The following KSR2 variants were observed in gnomAD, a reference collection of about 807,000 sequenced individuals.
KSR2 encodes kinase suppressor of ras 2.
Under a neutral mutation model 107.8 loss-of-function variants are expected in KSR2, and 25 were observed. The ratio of observed to expected loss-of-function variants is 0.23; its 90% CI spans 0.17 to 0.32. KSR2 has a LOEUF of 0.32. KSR2 is among the 10% of genes least tolerant of loss of function. The probability of loss-of-function intolerance (pLI) is 1.00; values close to 1 mark genes in which losing one functional copy is unlikely to be tolerated. For missense variants in KSR2, 887 were observed against 1,268.9 expected, an observed-to-expected ratio of 0.70 and a Z score of 4.57; for synonymous variants, 480 against 507.0, an observed-to-expected ratio of 0.95 and a Z score of 0.71.
chr12:117,525,611 T>C (rs995009121), intron 13 of KSR2, among the ~76,000 whole-genome samples: 7 of 152,182 alleles, frequency 4.6e-5, no homozygotes, highest in African/African-American at 1.7e-4. Flanking sequence ...AAGATCCAGG[T>C]CTCTGGACTT....
chr12:117,594,686 T>C (rs896277943), intron 5 of KSR2, among the ~76,000 whole-genome samples: 15 of 152,082 alleles, frequency 9.9e-5, no homozygotes, highest in Middle Eastern at 3.4e-3. Flanking sequence ...CCCCAAGAAC[T>C]TGGAGATAAG....
chr12:117,486,325 C>A (rs761120873), intron 14 of KSR2, among the ~76,000 whole-genome samples: 2 of 152,186 alleles, frequency 1.3e-5, no homozygotes, highest in Admixed American at 6.5e-5. Flanking sequence ...GGACATTATG[C>A]ACTGAAAGTA....
In KSR2 at chr12:117,539,800, G is replaced by C. The variant is rs1278955224; in HGVS notation, c.1606C>G (p.Leu536Val). The C allele has an allele frequency of 1.9e-6, 3 of 1,603,626 alleles. No homozygotes were observed. Among genetic ancestry groups the C allele is most frequent in the Non-Finnish European group, 2.6e-6 (3 of 1,175,784 alleles). Reference protein sequence around the residue: ...SSTPSSPAPPLPPSATPPSPL... With the variant: ...SSTPSSPAPPVPPSATPPSPL... ...GAAGGCGGCGTGGCACTAGGAGGGAGGGGGGGTGCTGGCGAGGAGGGCGTG... is the reference window on the plus strand; with the variant it reads ...GAAGGCGGCGTGGCACTAGGAGGGACGGGGGGTGCTGGCGAGGAGGGCGTG... Residue 536 changes from leucine to valine, a missense_variant, in exon 10 of 20, where the codon CTC becomes GTC. Physicochemically the swap from Leu to Val is conservative, Grantham distance 32. This residue lies in a region of KSR2 where 50 missense variants were observed against 43.4 expected (regional missense o/e 1.15). Coordinates refer to ENST00000339824, the MANE Select transcript of KSR2 (RefSeq NM_173598.6).
intron 14 of KSR2, among the ~76,000 whole-genome samples, chr12:117,498,386 CAG>C (rs1254375032): frequency 6.6e-6 from 1 of 152,082 alleles, no homozygotes; most frequent in Non-Finnish European, 1.5e-5. Flanking sequence ...AGCTGCTACC[CAG>C]AGACAAGCAA....
intron 4 of KSR2, among the ~76,000 whole-genome samples, chr12:117,757,216 A>G (rs1374091461): frequency 3.9e-5 from 6 of 152,312 alleles, no homozygotes; most frequent in East Asian, 1.9e-4. Flanking sequence ...CAAGATTTCA[A>G]TGGAGGAAGT....
chr12:117,950,747 A>AT (rs57248310), intron 1 of KSR2, among the ~76,000 whole-genome samples: 17,549 of 94,638 alleles, frequency 0.19, 1,177 homozygotes, highest in Admixed American at 0.23. Context: ...TAAAAAAAAA[A>AT]AAAATAATAA....
chr12:117,911,760 T>C (rs1346578152), intron 1 of KSR2, among the ~76,000 whole-genome samples: 3 of 152,202 alleles, frequency 2.0e-5, no homozygotes, highest in Admixed American at 2.0e-4. Context: ...AATGACAGTG[T>C]TGACCAAATA....
intron 4 of KSR2, among the ~76,000 whole-genome samples, chr12:117,702,259 T>G (rs1886359866): frequency 6.6e-6 from 1 of 152,154 alleles, no homozygotes; most frequent in African/African-American, 2.4e-5. Context: ...ACCAAGCACC[T>G]CGCGTTGGTA....
Position 117,535,604 on chromosome 12 carries a change from T to TTGTGTG in KSR2, c.1688-3903_1688-3898dup, listed in dbSNP as rs5801239. ...CATTAGAATTCACCATTTCCTGGAG[T>TTGTGTG]TGTGTGTGTGTGTGTGTGTGTGTGT... On this transcript the variant is annotated intron_variant, in intron 10 of 19. Transcript: ENST00000339824. Among the ~76,000 whole-genome samples the TTGTGTG allele has an allele frequency of 7.8e-3, 1,107 of 142,304 alleles. 18 individuals are homozygous for TTGTGTG. The highest frequency in any genetic ancestry group is 0.023 in the African/African-American group (879 of 37,440). The allele number at this position is 142,304 out of a possible 152,430, so 93.4% of individuals were successfully genotyped here. A position where few individuals can be genotyped will look rare whatever the true frequency, so the allele number is the denominator to read the frequency against.
intron 1 of KSR2, among the ~76,000 whole-genome samples, chr12:117,883,875 C>CAAAA (rs34939587): frequency 1.1e-5 from 1 of 93,846 alleles, no homozygotes; most frequent in Non-Finnish European, 2.0e-5. Context: ...GTCTCCATCT[C>CAAAA]AAAAAAAAAA....
intron 3 of KSR2, among the ~76,000 whole-genome samples, chr12:117,826,837 C>G (rs2137098605): frequency 6.6e-6 from 1 of 152,128 alleles, no homozygotes; most frequent in Non-Finnish European, 1.5e-5. Context: ...GTAATCCCAG[C>G]AATTTGGGAG....
intron 5 of KSR2, among the ~76,000 whole-genome samples, chr12:117,614,773 A>G (rs1264967997): frequency 1.3e-5 from 2 of 152,186 alleles, no homozygotes; most frequent in Non-Finnish European, 2.9e-5. Flanking sequence ...ATTGTTCATA[A>G]GTGTTTAACT....
At chr12:117,936,545 G>C (rs545894268) in intron 1 of KSR2, among the ~76,000 whole-genome samples, 2,954 of 148,914 alleles carry the variant, frequency 0.02, 106 homozygotes, top group African/African-American at 0.069. Context: ...AGTAGTAGTA[G>C]TAGTAGTAGT....
intron 1 of KSR2, among the ~76,000 whole-genome samples, chr12:117,948,433 T>G (rs543149430): frequency 8.0e-5 from 12 of 150,062 alleles, no homozygotes; most frequent in African/African-American, 3.0e-4. Flanking sequence ...GAGGTTGCAG[T>G]GAGCCCAGAT....
intron 8 of KSR2, among the ~76,000 whole-genome samples, chr12:117,558,278 A>C (rs1181572202): frequency 6.6e-6 from 1 of 152,154 alleles, no homozygotes; most frequent in East Asian, 1.9e-4. Context: ...AAAGGGAGCT[A>C]AAGTGTCAGA....
In KSR2 at chr12:117,907,441, G is replaced by A. The variant is rs934586707; in HGVS notation, c.181-47010C>T. ...GACGCTCAGCAGGTATCTCAGGTGA[G>A]ATCTGGTTTCTAGGTGAAGGCACAA... is the stretch of plus-strand genomic sequence containing the variant. On this transcript the variant is annotated intron_variant, in intron 1 of 19. Transcript: ENST00000339824. This position sits in a 1 kb window ranked among gnomAD's most constrained non-coding sequence, Gnocchi z 4.3. Among the ~76,000 whole-genome samples the A allele has an allele frequency of 1.3e-5, 2 of 152,186 alleles. No individual in the cohort carries two copies. The highest frequency in any genetic ancestry group is 4.8e-5 in the African/African-American group (2 of 41,442).
intron 1 of KSR2, among the ~76,000 whole-genome samples, chr12:117,957,728 C>T (rs898333028): frequency 6.8e-6 from 1 of 146,358 alleles, no homozygotes; most frequent in South Asian, 2.2e-4. Context: ...TAACATTTAT[C>T]ATGACTTAGA....
intron 4 of KSR2, among the ~76,000 whole-genome samples, chr12:117,695,955 G>A (rs1273626487): frequency 6.6e-6 from 1 of 152,182 alleles, no homozygotes; most frequent in Non-Finnish European, 1.5e-5. Context: ...TTGTGCAAGT[G>A]AAAGCTGACA....
rs556778695 is a variant in KSR2 at position 117,579,123 on chromosome 12, A to C, written c.1321T>G (p.Cys441Gly). 6.2e-7 allele frequency: 1 copy of C among 1,612,792 alleles called. No homozygotes were observed. The highest frequency in any genetic ancestry group is 1.3e-5 in the African/African-American group (1 of 75,040). Reference protein sequence around the residue: ...GMLFGLKCKNCKLKCHNKCTK... With the variant: ...GMLFGLKCKNGKLKCHNKCTK... ...CTGCAGGGCACAGTCACTTACTTGC[A>C]GTTTTTACACTTGAGGCCAAAAAGC... Residue 441 changes from cysteine (C) to glycine (G), a missense_variant, in exon 7 of 20, where the codon TGC becomes GGC. Cys to Gly is a radical substitution (Grantham distance 159). This residue lies in a region of KSR2 where 12 missense variants were observed against 48.1 expected (regional missense o/e 0.25). Coordinates refer to ENST00000339824, the MANE Select transcript of KSR2 (RefSeq NM_173598.6).
Sources: allele counts gnomAD v4.1 joint callset (sites outside exome capture counted in the v4.1 genomes callset), GRCh38; gene constraint gnomAD v4.1.1; regional missense constraint gnomAD v4.1.1; non-coding constraint Gnocchi (gnomAD v3.1); transcripts MANE v1.5; gene names NCBI Gene and HGNC (gene_info 2026-07-23, HGNC 2026-07-21).